MYO9A: variants seen among roughly 807,000 people sequenced by gnomAD.
MYO9A encodes unconventional myosin-IXa.
Under a neutral mutation model 293.3 loss-of-function variants are expected in MYO9A, and 103 were observed. The observed-to-expected ratio is 0.35, with a 90% confidence interval of 0.30 to 0.41. The LOEUF is 0.41. MYO9A is among the 10% of genes least tolerant of loss of function. The pLI, the probability that MYO9A is intolerant of heterozygous loss-of-function variation, is 1.00. For synonymous variants in MYO9A, 1,001 were observed against 1,035.7 expected (o/e 0.97, Z 0.64); for missense variants, 2,685 against 3,033.0 (o/e 0.89, Z 2.69).
intron 18 of MYO9A, among the ~76,000 whole-genome samples, chr15:71,922,038 C>T (rs1052720641): frequency 6.6e-6 from 1 of 152,088 alleles, no homozygotes; most frequent in African/African-American, 2.4e-5. Context: ...AGTGCAGTGG[C>T]GCGATCCTGG....
intron 1 of MYO9A, among the ~76,000 whole-genome samples, chr15:72,051,016 C>A (rs751234774): frequency 8.5e-5 from 13 of 152,186 alleles, no homozygotes; most frequent in African/African-American, 1.4e-4. Context: ...CCTACAGCTC[C>A]TTTTCCATTA....
Position 72,032,585 on chromosome 15 carries a change from A to G in MYO9A, c.844T>C (p.Phe282Leu), listed in dbSNP as rs2077906876. The G allele has an allele frequency of 6.3e-7, 1 of 1,581,404 alleles. No individual in the cohort carries two copies. Among genetic ancestry groups the G allele is most frequent in the Non-Finnish European group, 8.5e-7 (1 of 1,170,138 alleles). The change falls in exon 3 of 42, where the codon TTT (phenylalanine) becomes CTT (leucine). Residue 282 changes from phenylalanine to leucine, a missense_variant. This residue lies in a region of MYO9A where 289 missense variants were observed against 456.8 expected (regional missense o/e 0.63). Coordinates refer to ENST00000356056, the MANE Select transcript of MYO9A (RefSeq NM_006901.4). ...ILGAGPVLEAFGNAKTAHNNN... is the reference protein window; with the variant it reads ...ILGAGPVLEALGNAKTAHNNN... ...TTATGAGCTGTCTTTGCATTTCCAA[A>G]GGCCTGTCAAAATAAATAATTCTCA...
chr15:72,068,114 A>C (rs2079075364), intron 1 of MYO9A, among the ~76,000 whole-genome samples: 1 of 152,218 alleles, frequency 6.6e-6, no homozygotes, highest in Non-Finnish European at 1.5e-5. Context: ...AGGACTATCA[A>C]ATCGCCCTTC....
chr15:71,910,168 G>GTGTGTATATATA (rs56277057), intron 19 of MYO9A, among the ~76,000 whole-genome samples: 34 of 128,316 alleles, frequency 2.6e-4, no homozygotes, highest in African/African-American at 8.9e-4. Flanking sequence ...ATATATACGT[G>GTGTGTATATATA]TATATATATA....
chr15:71,959,973 T>C lies in MYO9A; in HGVS notation c.2110A>G (p.Ile704Val), dbSNP rs753474464. ...ATGGCTCTGAAAAAAGCTCGGAGAA[T>C]TGCCCATCGGAAAACAGCTACAGGA... ...IDPVAVFRWA[I>V]LRAFFRAMVA... Residue 704 changes from isoleucine to valine, a missense_variant, in exon 14 of 42, where the codon ATT becomes GTT. Ile to Val is a conservative substitution (Grantham distance 29). Around this residue, in one of 10 missense-constraint regions of MYO9A, gnomAD observed 201 missense variants for 245.2 expected, o/e 0.82. Transcript: ENST00000356056. 5.6e-6 allele frequency: 9 copies of C among 1,613,880 alleles called. No individual in the cohort carries two copies. The East Asian group carries it at 1.3e-4, about 24-fold the overall frequency.
At chr15:71,951,097 T>C (rs906774691) in intron 15 of MYO9A, among the ~76,000 whole-genome samples, 20 of 152,302 alleles carry the variant, frequency 1.3e-4, no homozygotes, top group Non-Finnish European at 1.3e-4. Context: ...ACATGCACCA[T>C]GATTCTGTTA....
rs968131970 is a variant in MYO9A at position 71,954,343 on chromosome 15, G to C, written c.2183-2447C>G. ...AGCCTCCTGAGTAGCTGGAACTACA[G>C]GCGCCAGCCACCACGCCTGGCTAAT... On this transcript the variant is annotated intron_variant, in intron 14 of 41. Coordinates refer to ENST00000356056, the MANE Select transcript of MYO9A (RefSeq NM_006901.4). 6.6e-5 allele frequency among the ~76,000 whole-genome samples: 10 copies of C among 152,268 alleles called. No homozygotes were observed. The East Asian group carries it at 1.9e-3, about 29-fold the overall frequency.
chr15:71,878,206 T>C lies in MYO9A; in HGVS notation c.5765A>G (p.Tyr1922Cys), dbSNP rs1205395870. The C allele has an allele frequency of 1.3e-6, 2 of 1,563,208 alleles. No homozygotes were observed. The highest frequency in any genetic ancestry group is 2.1e-5 in the Admixed American group (1 of 47,472). Residue 1922 changes from tyrosine (Y) to cysteine (C), a missense_variant, in exon 31 of 42, where the codon TAT (tyrosine) becomes TGT (cysteine). Transcript: ENST00000356056. Reference protein sequence around the residue: ...LAMDDGKSIRYKDLYALFEQI... With the variant: ...LAMDDGKSIRCKDLYALFEQI... ...TTCAAATAGTGCATAGAGGTCTTTA[T>C]ACCGTATGCTTTTCCCATCATCCAT...
At chr15:71,937,617 T>C (rs1381627733) in intron 16 of MYO9A, among the ~76,000 whole-genome samples, 1 of 152,170 alleles carries the variant, frequency 6.6e-6, no homozygotes, top group African/African-American at 2.4e-5. Context: ...GAAAAATTTG[T>C]GTGATTTGTT....
chr15:72,088,497 G>A (rs1463382616), intron 1 of MYO9A, among the ~76,000 whole-genome samples: 1 of 152,096 alleles, frequency 6.6e-6, no homozygotes, highest in African/African-American at 2.4e-5. Flanking sequence ...ACCATTGTCA[G>A]AGGTCTACTT....
chr15:72,111,212 G>A lies in MYO9A; in HGVS notation c.-72+6468C>T, dbSNP rs367954006. On this transcript the variant is annotated intron_variant, in intron 1 of 41. Coordinates refer to ENST00000356056, the MANE Select transcript of MYO9A (RefSeq NM_006901.4). ...ATTTAAACATAACAAGAAATAGGCT[G>A]CGCACAGTGGCTCACACCTATAATC... 1.5e-4 allele frequency among the ~76,000 whole-genome samples: 23 copies of A among 151,374 alleles called. No individual in the cohort carries two copies. In the East Asian group the frequency reaches 3.9e-3, roughly 26 times the overall value.
intron 15 of MYO9A, among the ~76,000 whole-genome samples, chr15:71,945,926 T>C (rs987715322): frequency 1.4e-4 from 22 of 152,202 alleles, no homozygotes; most frequent in Non-Finnish European, 2.9e-5. Context: ...CTACTAAAAG[T>C]TTTAAAATAG....
At chr15:71,883,485 G>C (rs1237738065) in intron 28 of MYO9A, 109 bp downstream of exon 28, 2 of 1,187,962 alleles carry the variant, frequency 1.7e-6, no homozygotes, top group Non-Finnish European at 2.4e-6. Context: ...TATCTCATTA[G>C]AACATCCAGC....
intron 11 of MYO9A, among the ~76,000 whole-genome samples, chr15:71,985,655 T>A (rs1315346206): frequency 1.3e-5 from 2 of 152,098 alleles, no homozygotes; most frequent in Non-Finnish European, 2.9e-5. Flanking sequence ...ACTACAAAAA[T>A]AACGAAATGT....
At chr15:71,900,908 A>G (rs540205509) in intron 23 of MYO9A, among the ~76,000 whole-genome samples, 1 of 152,334 alleles carries the variant, frequency 6.6e-6, no homozygotes, top group Non-Finnish European at 1.5e-5. Flanking sequence ...CAACTATGTC[A>G]ACAAATATTA....
intron 36 of MYO9A, among the ~76,000 whole-genome samples, chr15:71,851,651 A>G (rs2055653356): frequency 6.6e-6 from 1 of 152,190 alleles, no homozygotes; most frequent in Admixed American, 6.5e-5. Context: ...TTACCATTAA[A>G]GTCAACATAA....
intron 1 of MYO9A, among the ~76,000 whole-genome samples, chr15:72,081,530 G>A (rs1162184537): frequency 6.6e-6 from 1 of 151,960 alleles, no homozygotes; most frequent in Non-Finnish European, 1.5e-5. Flanking sequence ...TTCTTTTGCT[G>A]TGCAGAAGCT....
chr15:71,965,723 G>A (rs572615006), intron 13 of MYO9A, among the ~76,000 whole-genome samples: 197 of 152,306 alleles, frequency 1.3e-3, no homozygotes, highest in South Asian at 3.5e-3. Context: ...TGGCAAAAGA[G>A]CGAAGCGAGA....
intron 11 of MYO9A, among the ~76,000 whole-genome samples, chr15:71,983,740 C>A (rs1249357563): frequency 1.3e-5 from 2 of 152,050 alleles, no homozygotes; most frequent in Non-Finnish European, 2.9e-5. Context: ...GCCTCAGCCT[C>A]CCAAAGTGCT....
Sources: allele counts gnomAD v4.1 joint callset (sites outside exome capture counted in the v4.1 genomes callset), GRCh38; gene constraint gnomAD v4.1.1; regional missense constraint gnomAD v4.1.1; transcripts MANE v1.5; gene names NCBI Gene and HGNC (gene_info 2026-07-23, HGNC 2026-07-21).